Variants in PIP4K2A observed in about 807,000 individuals in gnomAD.
PIP4K2A encodes the protein phosphatidylinositol-5-phosphate 4-kinase type 2 alpha.
PIP4K2A carries 14 observed loss-of-function variants against 42.9 expected under a neutral mutation model. That is an observed-to-expected ratio of 0.33 (90% confidence interval 0.22 to 0.51). The LOEUF is 0.51. PIP4K2A is among the 20% of genes least tolerant of loss of function. The pLI is 0.97. For missense variants in PIP4K2A, 434 were observed against 519.8 expected (o/e 0.83, Z 1.61); for synonymous variants, 192 against 192.2 (o/e 1.00, Z 0.01).
At chr10:22,584,025 C>G (rs995578476) in intron 4 of PIP4K2A, among the ~76,000 whole-genome samples, 51 of 152,348 alleles carry the variant, frequency 3.3e-4, no homozygotes, top group African/African-American at 1.1e-3. Context: ...TTTCCTCTTC[C>G]CTACATAAGC....
chr10:22,621,397 ACT>A (rs201391398), intron 1 of PIP4K2A, among the ~76,000 whole-genome samples: 3,846 of 152,354 alleles, frequency 0.025, 156 homozygotes, highest in African/African-American at 0.087. Context: ...TAAACATTTT[ACT>A]TTTTAGTCAG....
chr10:22,570,880 A>G (rs1484340915), intron 5 of PIP4K2A, among the ~76,000 whole-genome samples: 1 of 152,136 alleles, frequency 6.6e-6, no homozygotes, highest in African/African-American at 2.4e-5. Flanking sequence ...CCATCTAAGA[A>G]ACCCAGCGTC....
At position 22,704,441 on chromosome 10, in the gene PIP4K2A, G is replaced by C. The variant is rs572385585; in HGVS notation, c.144+9742C>G. 2.0e-5 allele frequency among the ~76,000 whole-genome samples: 3 copies of C among 152,142 alleles called. No homozygotes were observed. In the East Asian group the frequency reaches 5.8e-4, roughly 29 times the overall value. ...GGTAAGTTGACGGTTGCCAGGTACG[G>C]TGTCTCTATAGAAATAGGAGACCTC... is the stretch of plus-strand genomic sequence containing the variant. On this transcript the variant is annotated intron_variant, in intron 1 of 9. Transcript: ENST00000376573.
chr10:22,664,192 C>CATATATATATACAT (rs1377322904), intron 1 of PIP4K2A, among the ~76,000 whole-genome samples: 4 of 55,492 alleles, frequency 7.2e-5, no homozygotes, highest in African/African-American at 4.7e-4. Flanking sequence ...CATATATATA[C>CATATATATATACAT]ATATATATAT....
chr10:22,609,481 G>A (rs937327027), intron 2 of PIP4K2A, 139 bp downstream of exon 2: 11 of 643,446 alleles, frequency 1.7e-5, no homozygotes, highest in Non-Finnish European at 2.8e-5. Context: ...AATGACAGAT[G>A]GTTATGTTTA....
At chr10:22,633,267 A>C (rs1838591461) in intron 1 of PIP4K2A, among the ~76,000 whole-genome samples, 1 of 152,266 alleles carries the variant, frequency 6.6e-6, no homozygotes, top group Admixed American at 6.5e-5. Flanking sequence ...TGAAAGGGAC[A>C]TAATTTTTTA....
At chr10:22,546,814 G>GA (rs1317898004) in intron 7 of PIP4K2A, among the ~76,000 whole-genome samples, 1 of 152,194 alleles carries the variant, frequency 6.6e-6, no homozygotes, top group African/African-American at 2.4e-5. Flanking sequence ...AGAGAAGACA[G>GA]AAAGGGGGCG....
At chr10:22,620,663 C>G (rs954409100) in intron 1 of PIP4K2A, among the ~76,000 whole-genome samples, 1 of 152,194 alleles carries the variant, frequency 6.6e-6, no homozygotes, top group African/African-American at 2.4e-5. Context: ...GACCTGGCAC[C>G]GGGCCCGGCA....
intron 1 of PIP4K2A, among the ~76,000 whole-genome samples, chr10:22,707,258 A>G (rs1833839203): frequency 6.6e-6 from 1 of 152,250 alleles, no homozygotes; most frequent in Non-Finnish European, 1.5e-5. Flanking sequence ...ACCTCCTTTT[A>G]TAATCAAGGA....
chr10:22,708,028 T>C (rs1438007251), intron 1 of PIP4K2A, among the ~76,000 whole-genome samples: 6 of 152,092 alleles, frequency 3.9e-5, no homozygotes, highest in African/African-American at 9.7e-5. Flanking sequence ...GGGGGTTTAA[T>C]ATCAGTCTAG....
At chr10:22,692,079 G>A (rs1325921437) in intron 1 of PIP4K2A, among the ~76,000 whole-genome samples, 1 of 151,998 alleles carries the variant, frequency 6.6e-6, no homozygotes, top group African/African-American at 2.4e-5. Flanking sequence ...TACATAATGA[G>A]ATAATTATAC....
At chr10:22,544,497 C>T (rs1167237499) in intron 7 of PIP4K2A, among the ~76,000 whole-genome samples, 2 of 152,160 alleles carry the variant, frequency 1.3e-5, no homozygotes, top group Non-Finnish European at 2.9e-5. Context: ...TCTCTCTCTA[C>T]ACCTGGAAGC....
At chr10:22,658,627 T>C (rs1163538650) in intron 1 of PIP4K2A, among the ~76,000 whole-genome samples, 1 of 152,236 alleles carries the variant, frequency 6.6e-6, no homozygotes, top group Non-Finnish European at 1.5e-5. Context: ...ACTAGATCTT[T>C]ACCAAATCTC....
intron 6 of PIP4K2A, among the ~76,000 whole-genome samples, chr10:22,564,784 C>T (rs554828461): frequency 2.0e-5 from 3 of 152,358 alleles, no homozygotes; most frequent in African/African-American, 7.2e-5. Flanking sequence ...ATTTTCTTCT[C>T]TCCTCCTTAC....
Position 22,561,565 on chromosome 10 carries a change from GTTTTTTTT to G in PIP4K2A, c.678+6278_678+6285del, listed in dbSNP as rs71394001. Among the ~76,000 whole-genome samples the G allele has an allele frequency of 7.0e-3, 789 of 113,492 alleles. 30 individuals carry two copies. Among genetic ancestry groups the G allele is most frequent in the African/African-American group, 0.025 (700 of 28,348 alleles). 74.5% of individuals were successfully genotyped at this position (113,492 alleles called of 152,430 possible). Reference sequence around the variant, plus strand: ...TATGTCACCAGAGATTCTCTACGCAGTTTTTTTTTTTTTTTTTTTTTTTTTTCTGAGAC... The same window carrying G: ...TATGTCACCAGAGATTCTCTACGCAGTTTTTTTTTTTTTTTTTTCTGAGAC... On this transcript the variant is annotated intron_variant, in intron 6 of 9. Coordinates refer to ENST00000376573, the MANE Select transcript of PIP4K2A (RefSeq NM_005028.5).
intron 1 of PIP4K2A, among the ~76,000 whole-genome samples, chr10:22,705,659 T>TA (rs1588717861): frequency 6.6e-6 from 1 of 152,104 alleles, no homozygotes; most frequent in East Asian, 1.9e-4. Flanking sequence ...CATGTCTTGT[T>TA]AAAATGTACA....
intron 6 of PIP4K2A, among the ~76,000 whole-genome samples, chr10:22,565,508 C>G (rs1836825561): frequency 6.6e-6 from 1 of 152,180 alleles, no homozygotes; most frequent in Non-Finnish European, 1.5e-5. Context: ...CTATGCCTGT[C>G]TTTACTTTAA....
At chr10:22,656,797 CAAA>C (rs768722985) in intron 1 of PIP4K2A, among the ~76,000 whole-genome samples, 3 of 76,834 alleles carry the variant, frequency 3.9e-5, no homozygotes. Context: ...GACTCCATCT[CAAA>C]AAAAAAAAAA....
intron 6 of PIP4K2A, among the ~76,000 whole-genome samples, chr10:22,563,955 C>G (rs566561733): frequency 6.6e-6 from 1 of 152,070 alleles, no homozygotes; most frequent in African/African-American, 2.4e-5. Context: ...ATGATGGCTA[C>G]GTGTTCATAT....
Sources: allele counts gnomAD v4.1 joint callset (sites outside exome capture counted in the v4.1 genomes callset), GRCh38; gene constraint gnomAD v4.1.1; transcripts MANE v1.5; gene names NCBI Gene and HGNC (gene_info 2026-07-23, HGNC 2026-07-21).